PRMT8: variants seen among roughly 807,000 people sequenced by gnomAD.
PRMT8 encodes the protein protein arginine methyltransferase 8, also known as protein arginine N-methyltransferase 8.
PRMT8 carries 7 observed loss-of-function variants against 47.1 expected under a neutral mutation model. The ratio of observed to expected loss-of-function variants is 0.15; its 90% CI spans 0.08 to 0.28. The LOEUF (loss-of-function observed/expected upper bound fraction) is 0.28. PRMT8 is among the 10% of genes least tolerant of loss of function. PRMT8 has a pLI of 1.00. For missense variants in PRMT8, 237 were observed against 505.4 expected, an observed-to-expected ratio of 0.47 and a Z score of 5.09; for synonymous variants, 188 against 186.5, an observed-to-expected ratio of 1.01 and a Z score of -0.07.
chr12:3,491,380 C>A lies in PRMT8; in HGVS notation c.-246C>A. ...GGGTGGAGAGGGGCGGGGAGGGGGT[C>A]GGGGGCACGAGAAGAACTTGAAACC... On this transcript the variant is annotated 5_prime_UTR_variant, in exon 1 of 10. Transcript: ENST00000382622. The A allele has an allele frequency of 1.7e-6, 2 of 1,196,316 alleles. No homozygotes were observed. The highest frequency in any genetic ancestry group is 1.0e-6 in the Non-Finnish European group (1 of 963,420). 74.1% of individuals were successfully genotyped at this position (1,196,316 alleles called of 1,614,324 possible). A position where few individuals can be genotyped will look rare whatever the true frequency, so the allele number is the denominator to read the frequency against.
At chr12:3,546,018 G>A (rs1247411892) in intron 2 of PRMT8, among the ~76,000 whole-genome samples, 1 of 152,158 alleles carries the variant, frequency 6.6e-6, no homozygotes, top group Non-Finnish European at 1.5e-5. Context: ...ACAATGAATT[G>A]AATTAGAAAC....
chr12:3,559,018 A>G (rs1399687594), intron 4 of PRMT8, among the ~76,000 whole-genome samples: 2 of 143,754 alleles, frequency 1.4e-5, no homozygotes, highest in Non-Finnish European at 1.5e-5. Context: ...TATCTAATCT[A>G]TCTAATCTAG....
chr12:3,444,126 T>C (rs1376749783), intron 1 of PRMT8, among the ~76,000 whole-genome samples: 1 of 152,220 alleles, frequency 6.6e-6, no homozygotes, highest in African/African-American at 2.4e-5. Context: ...TTCATTGTCC[T>C]ATCTCCTCTT....
intron 1 of PRMT8, among the ~76,000 whole-genome samples, chr12:3,437,651 T>G (rs77822288): frequency 6.8e-6 from 1 of 146,708 alleles, no homozygotes; most frequent in Non-Finnish European, 1.5e-5. Context: ...TATATATATA[T>G]TGCATTCAGC....
At chr12:3,474,640 A>T (rs1483259389) in intron 1 of PRMT8, among the ~76,000 whole-genome samples, 1 of 152,044 alleles carries the variant, frequency 6.6e-6, no homozygotes, top group African/African-American at 2.4e-5. Context: ...GTCACTGAAG[A>T]TTCCCTTCAG....
At chr12:3,447,265 C>G (rs912108387) in intron 1 of PRMT8, among the ~76,000 whole-genome samples, 2 of 152,206 alleles carry the variant, frequency 1.3e-5, no homozygotes, top group Non-Finnish European at 2.9e-5. Context: ...CAGCTATTCT[C>G]TTCCAAAAAC....
intron 7 of PRMT8, among the ~76,000 whole-genome samples, chr12:3,582,352 C>T (rs1466978736): frequency 6.6e-6 from 1 of 152,226 alleles, no homozygotes; most frequent in Non-Finnish European, 1.5e-5. Context: ...CCAGCCAGAA[C>T]TGAAAATTCT....
chr12:3,571,014 C>A (rs4766142), intron 6 of PRMT8, among the ~76,000 whole-genome samples: 1 of 152,046 alleles, frequency 6.6e-6, no homozygotes, highest in South Asian at 2.1e-4. Context: ...TTATCTAATA[C>A]CTTTGGGCCT....
rs539410143 is a variant in PRMT8, at chr12:3,554,360, T to C, written c.481+646T>C. Reference sequence around the variant, plus strand: ...CTGATCAGGAGACGTCCTTGGAGCTTGCATCTGACAGCAGGATTAGATGCA... The same window carrying C: ...CTGATCAGGAGACGTCCTTGGAGCTCGCATCTGACAGCAGGATTAGATGCA... On this transcript the variant is annotated intron_variant, in intron 4 of 9. Transcript: ENST00000382622. Among the ~76,000 whole-genome samples the C allele has an allele frequency of 3.0e-3, 456 of 152,290 alleles. 3 individuals carry two copies. The highest frequency in any genetic ancestry group is 1.9e-3 in the Non-Finnish European group (127 of 68,024).
intron 1 of PRMT8, among the ~76,000 whole-genome samples, chr12:3,475,920 A>G (rs1865208063): frequency 6.6e-6 from 1 of 152,194 alleles, no homozygotes; most frequent in African/African-American, 2.4e-5. Context: ...TATGCCTCCA[A>G]TTCTGTTTAT....
rs563204054 is a variant in PRMT8, at chr12:3,572,241, CGAAG to C, written c.712+2697_712+2700del. Reference sequence around the variant, plus strand: ...CTAGGCTCACAATACATAATTTTAACGAAGGAAGGAAGGAAGGAAGGAAAGTGAA... The same window carrying C: ...CTAGGCTCACAATACATAATTTTAACGAAGGAAGGAAGGAAGGAAAGTGAA... On this transcript the variant is annotated intron_variant, in intron 6 of 9. Coordinates refer to ENST00000382622, the MANE Select transcript of PRMT8 (RefSeq NM_019854.5). This position sits in a 1 kb window ranked among gnomAD's most constrained non-coding sequence, Gnocchi z 5.9. 9.7e-4 allele frequency among the ~76,000 whole-genome samples: 148 copies of C among 151,820 alleles called. No individual in the cohort carries two copies. Among genetic ancestry groups the C allele is most frequent in the Non-Finnish European group, 1.6e-3 (106 of 67,940 alleles).
chr12:3,418,536 A>G (rs1218637987), intron 1 of PRMT8, among the ~76,000 whole-genome samples: 1 of 152,230 alleles, frequency 6.6e-6, no homozygotes, highest in Non-Finnish European at 1.5e-5. Context: ...CTAGCCAATC[A>G]TCAGAAAGGC....
At chr12:3,465,805 T>C (rs2137091345) in intron 1 of PRMT8, among the ~76,000 whole-genome samples, 1 of 152,322 alleles carries the variant, frequency 6.6e-6, no homozygotes, top group African/African-American at 2.4e-5. Flanking sequence ...GCTAATAGCA[T>C]TTGCTGCTTC....
Position 3,508,301 on chromosome 12 carries a change from G to A in PRMT8, c.75+16601G>A, listed in dbSNP as rs1017040082. On this transcript the variant is annotated intron_variant, in intron 1 of 9. Coordinates refer to ENST00000382622, the MANE Select transcript of PRMT8 (RefSeq NM_019854.5). The surrounding 1 kb of genome is among the most constrained non-coding windows in gnomAD (Gnocchi z 4.9). The stretch of plus-strand genomic sequence containing the variant: ...TGTTTCTGTGTGGGGATATGTACAC[G>A]CTTCTGAGTCAGTAGGTGCGTCATG... 1.3e-5 allele frequency among the ~76,000 whole-genome samples: 2 copies of A among 152,122 alleles called. No individual in the cohort carries two copies. Among genetic ancestry groups the A allele is most frequent in the South Asian group, 2.1e-4 (1 of 4,826 alleles).
intron 1 of PRMT8, among the ~76,000 whole-genome samples, chr12:3,494,977 A>G (rs1865484054): frequency 6.6e-6 from 1 of 152,134 alleles, no homozygotes; most frequent in African/African-American, 2.4e-5. Flanking sequence ...TCACTCAGCT[A>G]TGCTTCTCTT....
intron 1 of PRMT8, among the ~76,000 whole-genome samples, chr12:3,525,740 G>T (rs1361452302): frequency 6.6e-6 from 1 of 152,158 alleles, no homozygotes; most frequent in Non-Finnish European, 1.5e-5. Context: ...GCTGTGTCTA[G>T]ATTTCACAGG....
chr12:3,437,430 G>C (rs990592403), intron 1 of PRMT8, among the ~76,000 whole-genome samples: 1 of 151,742 alleles, frequency 6.6e-6, no homozygotes, highest in South Asian at 2.1e-4. Context: ...TACATTGTGC[G>C]TCCTAGGGGT....
chr12:3,542,163 A>C (rs1343866117), intron 2 of PRMT8, among the ~76,000 whole-genome samples: 3 of 152,106 alleles, frequency 2.0e-5, no homozygotes, highest in Non-Finnish European at 4.4e-5. Flanking sequence ...TTACTTCTAG[A>C]CTCAGGGGCT....
chr12:3,467,939 C>T (rs1213544883), intron 1 of PRMT8, among the ~76,000 whole-genome samples: 1 of 152,208 alleles, frequency 6.6e-6, no homozygotes, highest in Non-Finnish European at 1.5e-5. Context: ...CAGTTGTGTC[C>T]ACCCTAACTG....
Sources: allele counts gnomAD v4.1 joint callset (sites outside exome capture counted in the v4.1 genomes callset), GRCh38; gene constraint gnomAD v4.1.1; non-coding constraint Gnocchi (gnomAD v3.1); transcripts MANE v1.5; gene names NCBI Gene and HGNC (gene_info 2026-07-23, HGNC 2026-07-21).